Variants in AGBL1 observed in about 807,000 individuals in gnomAD.
AGBL1 encodes the protein cytosolic carboxypeptidase 4.
Under a neutral mutation model 118.9 loss-of-function variants are expected in AGBL1, and 130 were observed. The observed-to-expected ratio is 1.09, with a 90% CI of 0.95 to 1.26. The LOEUF (loss-of-function observed/expected upper bound fraction) is 1.26, where lower values mean the gene tolerates loss of function less well. Ranked by LOEUF, AGBL1 falls within the 50% of genes most tolerant of loss-of-function variation. AGBL1 has a pLI of 0.00. For synonymous variants in AGBL1, 555 were observed against 478.9 expected (o/e 1.16, Z -2.08); for missense variants, 1,584 against 1,298.1 (o/e 1.22, Z -3.38).
chr15:86,616,089 C>A (rs375985743), intron 21 of AGBL1, among the ~76,000 whole-genome samples: 1 of 151,986 alleles, frequency 6.6e-6, no homozygotes, highest in Non-Finnish European at 1.5e-5. Context: ...GTAATCCCAG[C>A]GCTTTGGGAG....
chr15:86,497,229 T>G (rs2082866038), intron 18 of AGBL1, among the ~76,000 whole-genome samples: 1 of 152,038 alleles, frequency 6.6e-6, no homozygotes. Context: ...CTGTGCCTTT[T>G]TTGCTTCTTT....
At chr15:86,142,795 A>G (rs2076981148) in intron 2 of AGBL1, among the ~76,000 whole-genome samples, 1 of 151,958 alleles carries the variant, frequency 6.6e-6, no homozygotes, top group Non-Finnish European at 1.5e-5. Context: ...AAGTGAAGTC[A>G]CTCGTCTTCT....
intron 5 of AGBL1, among the ~76,000 whole-genome samples, chr15:86,183,658 T>G (rs961330747): frequency 6.6e-6 from 1 of 152,184 alleles, no homozygotes; most frequent in Non-Finnish European, 1.5e-5. Context: ...GACCTCTGTT[T>G]CCTTGAACTA....
chr15:86,663,466 G>A (rs536283676), intron 21 of AGBL1, among the ~76,000 whole-genome samples: 1 of 152,260 alleles, frequency 6.6e-6, no homozygotes, highest in Non-Finnish European at 1.5e-5. Flanking sequence ...GTCACCACAC[G>A]AGGTAGCTGC....
intron 22 of AGBL1, among the ~76,000 whole-genome samples, chr15:86,730,688 T>C (rs1378863288): frequency 2.6e-5 from 4 of 152,180 alleles, no homozygotes; most frequent in Admixed American, 6.5e-5. Context: ...ATGATAGTTA[T>C]TACAAACTGC....
intron 24 of AGBL1, among the ~76,000 whole-genome samples, chr15:87,001,095 C>G (rs2081432396): frequency 7.3e-6 from 1 of 136,722 alleles, no homozygotes; most frequent in Admixed American, 7.6e-5. Flanking sequence ...TGAGACTTTG[C>G]TGAAGTTGCT....
At chr15:86,917,464 C>A (rs912711943), downstream of AGBL1, among the ~76,000 whole-genome samples, 1 of 152,122 alleles carries the variant, frequency 6.6e-6, no homozygotes, top group African/African-American at 2.4e-5. This position sits in a 1 kb window ranked among gnomAD's most constrained non-coding sequence, Gnocchi z 4.8. Flanking sequence ...GGAAAGGGAG[C>A]TCATTATTAC....
intron 21 of AGBL1, among the ~76,000 whole-genome samples, chr15:86,624,387 C>A (rs1466006063): frequency 6.6e-6 from 1 of 152,170 alleles, no homozygotes; most frequent in African/African-American, 2.4e-5. Context: ...CATGCAGTAA[C>A]ATTTATTGAG....
At chr15:86,999,510 AATG>A (rs1420282488) in intron 24 of AGBL1, among the ~76,000 whole-genome samples, 1 of 147,086 alleles carries the variant, frequency 6.8e-6, no homozygotes, top group Middle Eastern at 3.2e-3. Context: ...GTTTACTGAG[AATG>A]ATGATTTCCA....
intron 21 of AGBL1, among the ~76,000 whole-genome samples, chr15:86,566,816 G>C (rs1354935023): frequency 6.6e-6 from 1 of 151,976 alleles, no homozygotes; most frequent in Non-Finnish European, 1.5e-5. Context: ...TTTAATAATA[G>C]ATGTATACAG....
intron 15 of AGBL1, among the ~76,000 whole-genome samples, chr15:86,275,984 A>G (rs2079244357): frequency 6.6e-6 from 1 of 152,204 alleles, no homozygotes; most frequent in Non-Finnish European, 1.5e-5. Context: ...ATAAAATAAC[A>G]TGAGATAAAA....
At chr15:86,491,784 T>A (rs1391419295) in intron 18 of AGBL1, among the ~76,000 whole-genome samples, 1 of 151,924 alleles carries the variant, frequency 6.6e-6, no homozygotes, top group Non-Finnish European at 1.5e-5. Context: ...ATTAATGATA[T>A]TTTTAGTCAT....
At position 86,605,770 on chromosome 15, in the gene AGBL1, T is replaced by C. The variant is rs2084567303; in HGVS notation, c.2994+51233T>C. Among the ~76,000 whole-genome samples, 3 of 151,978 alleles carry C rather than the reference T, an allele frequency of 2.0e-5. No homozygotes were observed. The South Asian group carries it at 6.2e-4, about 32-fold the overall frequency. On this transcript the variant is annotated intron_variant, in intron 21 of 22. Coordinates refer to ENST00000614907, the MANE Select transcript of AGBL1 (RefSeq NM_001386094.1). ...CTGTATGTGAGTGTGTGTGTGTGTA[T>C]GTGTGTGTGCATGTGTGTATGTTGT...
chr15:86,827,437 A>ACG (rs2079037455), intron 22 of AGBL1, among the ~76,000 whole-genome samples: 1 of 10,512 alleles, frequency 9.5e-5, no homozygotes, highest in African/African-American at 5.9e-4. Context: ...ATACACATAT[A>ACG]TATATGTGTG....
chr15:86,982,888 C>T (rs970903712), intron 23 of AGBL1, among the ~76,000 whole-genome samples: 2 of 152,090 alleles, frequency 1.3e-5, no homozygotes, highest in African/African-American at 2.4e-5. Context: ...ATGGGAAAAG[C>T]GGCACCCCTC....
intron 22 of AGBL1, among the ~76,000 whole-genome samples, chr15:86,768,801 C>G (rs2141284519): frequency 6.6e-6 from 1 of 151,986 alleles, no homozygotes; most frequent in South Asian, 2.1e-4. Flanking sequence ...AATCAGGGGC[C>G]TCTTATATCA....
intron 17 of AGBL1, among the ~76,000 whole-genome samples, chr15:86,322,146 T>C (rs958884372): frequency 1.3e-5 from 2 of 151,268 alleles, no homozygotes; most frequent in East Asian, 1.9e-4. Flanking sequence ...CATTGTTCTG[T>C]ATAGCCGATT....
intron 18 of AGBL1, among the ~76,000 whole-genome samples, chr15:86,508,751 T>A (rs764839777): frequency 2.0e-5 from 3 of 152,158 alleles, no homozygotes; most frequent in Non-Finnish European, 2.9e-5. Flanking sequence ...GCAGATTCAA[T>A]AAACATACAA....
At chr15:86,763,511 T>C (rs1172144185) in intron 22 of AGBL1, among the ~76,000 whole-genome samples, 1 of 152,006 alleles carries the variant, frequency 6.6e-6, no homozygotes, top group Non-Finnish European at 1.5e-5. Flanking sequence ...GATATTCTTT[T>C]ATGAATATCT....
Sources: allele counts gnomAD v4.1 joint callset (sites outside exome capture counted in the v4.1 genomes callset), GRCh38; gene constraint gnomAD v4.1.1; non-coding constraint Gnocchi (gnomAD v3.1); transcripts MANE v1.5; gene names NCBI Gene and HGNC (gene_info 2026-07-23, HGNC 2026-07-21).